NRXN3: variants seen among roughly 807,000 people sequenced by gnomAD.
NRXN3 encodes the protein neurexin III.
In NRXN3, 32 loss-of-function variants were observed where a neutral mutation model predicts 137.6. The observed-to-expected ratio is 0.23, with a 90% CI of 0.18 to 0.31. The LOEUF is 0.31. Among genes scored for constraint, NRXN3 ranks in the 10% least tolerant of loss-of-function variants. NRXN3 has a pLI of 1.00. For synonymous variants in NRXN3, 798 were observed against 784.5 expected, an observed-to-expected ratio of 1.02 and a Z score of -0.29; for missense variants, 1,574 against 2,062.5, an observed-to-expected ratio of 0.76 and a Z score of 4.59.
chr14:78,178,866 T>C (rs992060351), intron 1 of NRXN3, among the ~76,000 whole-genome samples: 3 of 152,080 alleles, frequency 2.0e-5, no homozygotes, highest in African/African-American at 4.8e-5. Context: ...AGCTGGGAAT[T>C]GGATCATCTA....
At chr14:79,483,182 C>T (rs2096624780) in intron 16 of NRXN3, among the ~76,000 whole-genome samples, 1 of 152,146 alleles carries the variant, frequency 6.6e-6, no homozygotes, top group Non-Finnish European at 1.5e-5. Flanking sequence ...AATGGTTCTC[C>T]AAAGAGCAGT....
rs1437459013 is a variant in NRXN3, at chr14:78,591,690, G to A, written c.758-53430G>A. ...ATGTGCCCAGTGGTCATGTAACATG[G>A]AGATATGCTTGATTAATTCACTGTA... On this transcript the variant is annotated intron_variant, in intron 4 of 20. Transcript: ENST00000335750. Among the ~76,000 whole-genome samples, 4 of 152,322 alleles carry A rather than the reference G, an allele frequency of 2.6e-5. No homozygotes were observed. The East Asian group carries it at 7.7e-4, about 29-fold the overall frequency.
rs2099510654 is a variant in NRXN3 at position 78,988,011 on chromosome 14, T to A, written c.3143-11T>A. 6.2e-7 allele frequency: 1 copy of A among 1,607,884 alleles called. No homozygotes were observed. The highest frequency in any genetic ancestry group is 1.3e-5 in the African/African-American group (1 of 74,732). On this transcript the variant is annotated splice_polypyrimidine_tract_variant and intron_variant, in intron 14 of 20. Transcript: ENST00000335750. Reference sequence around the variant, plus strand: ...TTTTTCTTTTTTTCCCCTCTTCTTGTGCATTACTAGGACCCAGTACCACCT... The same window carrying A: ...TTTTTCTTTTTTTCCCCTCTTCTTGAGCATTACTAGGACCCAGTACCACCT...
intron 3 of NRXN3, among the ~76,000 whole-genome samples, chr14:78,280,099 C>T (rs920539356): frequency 6.6e-6 from 1 of 152,152 alleles, no homozygotes; most frequent in Admixed American, 6.5e-5. Context: ...AGTTCAATCG[C>T]TCAGTCAACA....
intron 15 of NRXN3, among the ~76,000 whole-genome samples, chr14:79,384,722 T>G (rs564652133): frequency 6.6e-6 from 1 of 152,284 alleles, no homozygotes; most frequent in South Asian, 2.1e-4. Flanking sequence ...CTCTTGGACT[T>G]AAATGTTCAC....
At chr14:78,532,437 T>G (rs1203057814) in intron 4 of NRXN3, among the ~76,000 whole-genome samples, 1 of 148,714 alleles carries the variant, frequency 6.7e-6, no homozygotes, top group Non-Finnish European at 1.5e-5. Flanking sequence ...TCCAGCCCCC[T>G]TAGAAAGATT....
At chr14:79,628,171 C>G (rs1411760786) in intron 16 of NRXN3, among the ~76,000 whole-genome samples, 4 of 152,052 alleles carry the variant, frequency 2.6e-5, no homozygotes, top group Non-Finnish European at 4.4e-5. Flanking sequence ...ATTTAAAAAG[C>G]AATCAAAGGT....
intron 16 of NRXN3, among the ~76,000 whole-genome samples, chr14:79,490,525 G>A (rs2096706671): frequency 6.6e-6 from 1 of 152,126 alleles, no homozygotes; most frequent in African/African-American, 2.4e-5. Context: ...TCATATGGCT[G>A]GAACTAGAGA....
intron 10 of NRXN3, among the ~76,000 whole-genome samples, chr14:78,938,946 C>T (rs1401692707): frequency 6.6e-6 from 1 of 151,142 alleles, no homozygotes; most frequent in Admixed American, 6.6e-5. Flanking sequence ...CTGGGGTTCA[C>T]GCCATTCTCC....
chr14:79,713,585 A>G (rs1260447543), intron 19 of NRXN3, among the ~76,000 whole-genome samples: 5 of 128,630 alleles, frequency 3.9e-5, no homozygotes, highest in African/African-American at 1.4e-4. Context: ...TTATATATAC[A>G]TATATATATA....
chr14:79,400,759 G>T (rs113828826), intron 15 of NRXN3, among the ~76,000 whole-genome samples: 1 of 152,128 alleles, frequency 6.6e-6, no homozygotes, highest in Non-Finnish European at 1.5e-5. Flanking sequence ...GCAGAGAACC[G>T]CAGAAATTAA....
intron 4 of NRXN3, among the ~76,000 whole-genome samples, chr14:78,352,567 G>A (rs2083689818): frequency 1.3e-5 from 2 of 152,286 alleles, no homozygotes; most frequent in South Asian, 2.1e-4. Flanking sequence ...GGCGGGGTTG[G>A]GGAGGGGTGT....
intron 6 of NRXN3, among the ~76,000 whole-genome samples, chr14:78,665,973 C>T (rs972063891): frequency 2.6e-5 from 4 of 152,106 alleles, no homozygotes; most frequent in Non-Finnish European, 4.4e-5. Flanking sequence ...AGTGAGGTGT[C>T]CCTCTATCTT....
In NRXN3 at chr14:79,059,250, C is replaced by CTTTTTTTTTTTTTTTTTTTTTTTTTTTT. The variant is rs869266975; in HGVS notation, c.3262+71134_3262+71135insTTTTTTTTTTTTTTTTTTTTTTTTTTTT. 4.1e-4 allele frequency among the ~76,000 whole-genome samples: 32 copies of CTTTTTTTTTTTTTTTTTTTTTTTTTTTT among 78,268 alleles called. 3 individuals are homozygous for CTTTTTTTTTTTTTTTTTTTTTTTTTTTT. The highest frequency in any genetic ancestry group is 6.9e-4 in the Non-Finnish European group (28 of 40,672). The allele number at this position is 78,268 out of a possible 152,430, so 51.3% of individuals were successfully genotyped here. ...AAGAAGGCTGCCTTCAGGCCCTATT[C>CTTTTTTTTTTTTTTTTTTTTTTTTTTTT]TTTTTTTTTTTTTTTTTTTTTTTTT... On this transcript the variant is annotated intron_variant, in intron 15 of 20. Transcript: ENST00000335750.
chr14:79,761,684 CAAAAAAA>C lies in NRXN3; in HGVS notation c.4015-43409_4015-43403del, dbSNP rs10599873. On this transcript the variant is annotated intron_variant, in intron 19 of 20. Coordinates refer to ENST00000335750, the MANE Select transcript of NRXN3 (RefSeq NM_001330195.2). ...CTGGCAACAAAGCGAGACTCTGTCT[CAAAAAAA>C]AAAAAAAAAAAAAAAAAATAGATCT... 3.0e-4 allele frequency among the ~76,000 whole-genome samples: 24 copies of C among 78,880 alleles called. 1 individual carries two copies. The highest frequency in any genetic ancestry group is 2.5e-3 in the East Asian group (6 of 2,354). The allele number at this position is 78,880 out of a possible 152,430, so 51.7% of individuals were successfully genotyped here.
intron 10 of NRXN3, among the ~76,000 whole-genome samples, chr14:78,823,351 A>G (rs555650972): frequency 6.6e-6 from 1 of 152,048 alleles, no homozygotes; most frequent in Non-Finnish European, 1.5e-5. Flanking sequence ...CTCTGTGTCC[A>G]TGCTTTGCTG....
intron 15 of NRXN3, among the ~76,000 whole-genome samples, chr14:79,120,587 C>G (rs2055237663): frequency 6.6e-6 from 1 of 151,962 alleles, no homozygotes; most frequent in Admixed American, 6.6e-5. Context: ...AATATATTCA[C>G]CATGTGTACA....
rs1057162933 is a variant in NRXN3 at position 79,863,285 on chromosome 14, C to T, written c.*1321C>T. 15 of 151,274 alleles carry T rather than the reference C, an allele frequency of 9.9e-5. No homozygotes were observed. Among genetic ancestry groups the T allele is most frequent in the Non-Finnish European group, 1.6e-4 (11 of 67,830 alleles). 9.4% of individuals were successfully genotyped at this position (151,274 alleles called of 1,614,324 possible). On this transcript the variant is annotated 3_prime_UTR_variant, in exon 21 of 21. Coordinates refer to ENST00000335750, the MANE Select transcript of NRXN3 (RefSeq NM_001330195.2). ...ATAAATGAATAAAGCTGCTGTGACA[C>T]ACACACAAAAGGAATTTAATAGTAT...
At chr14:78,493,246 G>A (rs926378360) in intron 4 of NRXN3, among the ~76,000 whole-genome samples, 1 of 151,148 alleles carries the variant, frequency 6.6e-6, no homozygotes, top group African/African-American at 2.4e-5. Context: ...GAGGGGTCAG[G>A]CATTGTGGCT....
Sources: gnomAD v4.1 joint callset for allele counts (sites outside exome capture counted in the v4.1 genomes callset) on GRCh38, gnomAD v4.1.1 for gene constraint, MANE v1.5 for transcripts, NCBI Gene and HGNC (gene_info 2026-07-23, HGNC 2026-07-21) for gene names.